TRDN: variants seen among roughly 807,000 people sequenced by gnomAD.
TRDN encodes triadin in skeletal muscle.
Under a neutral mutation model 149.7 loss-of-function variants are expected in TRDN, and 161 were observed. The observed-to-expected ratio is 1.08, with a 90% CI of 0.95 to 1.23. The LOEUF (loss-of-function observed/expected upper bound fraction) is 1.23, where lower values mean the gene tolerates loss of function less well. Ranked by LOEUF, TRDN falls within the 50% of genes most tolerant of loss-of-function variation. The probability of loss-of-function intolerance (pLI) is 0.00; values close to 1 mark genes in which losing one functional copy is unlikely to be tolerated. For synonymous variants in TRDN, 294 were observed against 250.5 expected, an observed-to-expected ratio of 1.17 and a Z score of -1.64; for missense variants, 896 against 823.5, an observed-to-expected ratio of 1.09 and a Z score of -1.08.
At chr6:123,612,530 C>T (rs1013538392) in intron 1 of TRDN, among the ~76,000 whole-genome samples, 9 of 151,854 alleles carry the variant, frequency 5.9e-5, no homozygotes, top group African/African-American at 1.9e-4. Context: ...AGGAGAATCA[C>T]TTGTGTTAAA....
chr6:123,504,278 CA>C (rs1291723081), intron 7 of TRDN, among the ~76,000 whole-genome samples: 1 of 151,976 alleles, frequency 6.6e-6, no homozygotes, highest in African/African-American at 2.4e-5. Context: ...ATTTCCATAC[CA>C]AACAGCCCAG....
intron 1 of TRDN, among the ~76,000 whole-genome samples, chr6:123,588,749 A>G (rs1419378536): frequency 6.6e-6 from 1 of 152,186 alleles, no homozygotes; most frequent in African/African-American, 2.4e-5. Context: ...GGATTTCAAC[A>G]TGAAAGTTTT....
At chr6:123,430,228 C>T (rs1056556387) in intron 12 of TRDN, among the ~76,000 whole-genome samples, 1 of 151,908 alleles carries the variant, frequency 6.6e-6, no homozygotes, top group African/African-American at 2.4e-5. Flanking sequence ...CGAGATTACA[C>T]TACTGCATTA....
intron 1 of TRDN, among the ~76,000 whole-genome samples, chr6:123,601,812 G>A (rs1784294061): frequency 6.6e-6 from 1 of 152,096 alleles, no homozygotes; most frequent in South Asian, 2.1e-4. Flanking sequence ...ATACATTTGT[G>A]CAACACTTCA....
intron 12 of TRDN, among the ~76,000 whole-genome samples, chr6:123,419,352 C>G (rs1019968581): frequency 3.9e-5 from 6 of 152,040 alleles, no homozygotes; most frequent in African/African-American, 1.4e-4. Context: ...GTTGCTTTAG[C>G]CTTTACACAT....
intron 20 of TRDN, among the ~76,000 whole-genome samples, chr6:123,354,516 A>G (rs1384175847): frequency 6.6e-6 from 1 of 151,896 alleles, no homozygotes; most frequent in Non-Finnish European, 1.5e-5. Flanking sequence ...AAGGCAAATT[A>G]AATCTGAAAA....
intron 14 of TRDN, among the ~76,000 whole-genome samples, chr6:123,386,101 A>G (rs1053181455): frequency 6.6e-6 from 1 of 152,210 alleles, no homozygotes; most frequent in African/African-American, 2.4e-5. Context: ...CTCATCCTCC[A>G]TAAGGGATAA....
chr6:123,544,670 G>A (rs1781028781), intron 4 of TRDN, among the ~76,000 whole-genome samples: 1 of 151,976 alleles, frequency 6.6e-6, no homozygotes, highest in Non-Finnish European at 1.5e-5. Flanking sequence ...AGACAACTAT[G>A]TAATAAAATA....
At chr6:123,285,407 G>A (rs1562245568) in intron 24 of TRDN, among the ~76,000 whole-genome samples, 1 of 151,672 alleles carries the variant, frequency 6.6e-6, no homozygotes, top group Non-Finnish European at 1.5e-5. Context: ...GATTGCTTTT[G>A]ACAAAGCAAA....
At chr6:123,520,570 A>G (rs1429605095) in intron 5 of TRDN, among the ~76,000 whole-genome samples, 1 of 152,242 alleles carries the variant, frequency 6.6e-6, no homozygotes, top group East Asian at 1.9e-4. Context: ...TCATAATAAA[A>G]GTACTTTCAT....
chr6:123,393,242 A>T (rs1011143422), intron 13 of TRDN, among the ~76,000 whole-genome samples: 2 of 152,030 alleles, frequency 1.3e-5, no homozygotes, highest in Non-Finnish European at 2.9e-5. Flanking sequence ...TAACATTCTG[A>T]TCTTCTCATG....
chr6:123,480,626 C>T (rs141507022), intron 9 of TRDN, among the ~76,000 whole-genome samples: 3 of 151,898 alleles, frequency 2.0e-5, no homozygotes, highest in Admixed American at 6.6e-5. Context: ...GACTGAAAAT[C>T]GAGTCACATT....
At chr6:123,560,449 C>T (rs1434088840) in intron 2 of TRDN, among the ~76,000 whole-genome samples, 3 of 152,128 alleles carry the variant, frequency 2.0e-5, no homozygotes, top group Non-Finnish European at 4.4e-5. Context: ...AATAAAAATG[C>T]TTCTCAAAGC....
At chr6:123,540,058 G>A (rs1780748928) in intron 4 of TRDN, among the ~76,000 whole-genome samples, 1 of 152,190 alleles carries the variant, frequency 6.6e-6, no homozygotes, top group Non-Finnish European at 1.5e-5. Flanking sequence ...CTAGAATCCA[G>A]TATTCCTGAT....
intron 1 of TRDN, among the ~76,000 whole-genome samples, chr6:123,622,358 C>A (rs1004584282): frequency 2.0e-5 from 3 of 151,546 alleles, no homozygotes; most frequent in African/African-American, 7.3e-5. Flanking sequence ...GGCACACGCA[C>A]ACACATATAA....
At chr6:123,574,738 C>T (rs1447208996) in intron 1 of TRDN, among the ~76,000 whole-genome samples, 1 of 151,124 alleles carries the variant, frequency 6.6e-6, no homozygotes, top group Non-Finnish European at 1.5e-5. Flanking sequence ...ATTACACATA[C>T]CTGCTTTGTA....
In TRDN at chr6:123,358,212, C is replaced by T. The variant is rs544999972; in HGVS notation, c.1322-5626G>A. On this transcript the variant is annotated intron_variant, in intron 20 of 40. Transcript: ENST00000334268. ...GAAAAAAAAATAGATTCTTATTTCA[C>T]TACTTCAGAAATCAAAACTAATGTA... 8.3e-4 allele frequency among the ~76,000 whole-genome samples: 126 copies of T among 152,178 alleles called. 1 individual carries two copies. The highest frequency in any genetic ancestry group is 3.4e-3 in the Middle Eastern group (1 of 294).
At chr6:123,552,002 AGAAAGGCAAG>A (rs1421701753) in intron 2 of TRDN, among the ~76,000 whole-genome samples, 1 of 151,964 alleles carries the variant, frequency 6.6e-6, no homozygotes, top group Non-Finnish European at 1.5e-5. Context: ...TGGCTCTCTG[AGAAAGGCAAG>A]GATTAAAACT....
chr6:123,560,346 A>T (rs1468808547), intron 2 of TRDN, among the ~76,000 whole-genome samples: 1 of 152,124 alleles, frequency 6.6e-6, no homozygotes. Flanking sequence ...ACTGACTCTA[A>T]ATATGCCTTC....
Sources: gnomAD v4.1 joint callset for allele counts (sites outside exome capture counted in the v4.1 genomes callset) on GRCh38, gnomAD v4.1.1 for gene constraint, MANE v1.5 for transcripts, NCBI Gene and HGNC (gene_info 2026-07-23, HGNC 2026-07-21) for gene names.